LRP1B: variants seen among roughly 807,000 people sequenced by gnomAD.
LRP1B encodes the protein LDL receptor related protein 1B.
A neutral mutation model predicts 556.6 loss-of-function variants in LRP1B; 217 were observed. The ratio of observed to expected loss-of-function variants is 0.39; its 90% CI spans 0.35 to 0.44. The LOEUF (loss-of-function observed/expected upper bound fraction) is 0.44. Among genes scored for constraint, LRP1B ranks in the 20% least tolerant of loss-of-function variants. LRP1B has a pLI of 1.00. For missense variants in LRP1B, 5,053 were observed against 5,620.8 expected (o/e 0.90, Z 3.23); for synonymous variants, 2,047 against 1,865.8 (o/e 1.10, Z -2.50).
intron 7 of LRP1B, among the ~76,000 whole-genome samples, chr2:141,090,344 G>T (rs1285639425): frequency 6.6e-6 from 1 of 152,112 alleles, no homozygotes; most frequent in Non-Finnish European, 1.5e-5. Flanking sequence ...GGAAATTTCT[G>T]TCCTTTCTTG....
intron 2 of LRP1B, among the ~76,000 whole-genome samples, chr2:141,788,691 C>T (rs2105656185): frequency 6.7e-6 from 1 of 149,104 alleles, no homozygotes; most frequent in African/African-American, 2.5e-5. Flanking sequence ...CTTCCCCCCA[C>T]CCCCACCCCA....
intron 3 of LRP1B, among the ~76,000 whole-genome samples, chr2:141,391,350 G>A (rs11889834): frequency 0.048 from 7,354 of 152,190 alleles, 206 homozygotes; most frequent in Middle Eastern, 0.078. Flanking sequence ...GAAGTAATAC[G>A]TAACCGGAGA....
At chr2:141,414,191 A>C (rs564888461) in intron 3 of LRP1B, among the ~76,000 whole-genome samples, 72 of 144,918 alleles carry the variant, frequency 5.0e-4, no homozygotes, top group Admixed American at 1.6e-3. Flanking sequence ...GAGCGGAGAT[A>C]GCGCCACTGC....
intron 1 of LRP1B, among the ~76,000 whole-genome samples, chr2:141,825,685 T>C (rs910170692): frequency 3.3e-5 from 5 of 152,196 alleles, no homozygotes; most frequent in African/African-American, 1.2e-4. Context: ...AACATAACCA[T>C]AAGAAACACA....
chr2:140,677,452 C>T (rs79925199), intron 41 of LRP1B, among the ~76,000 whole-genome samples: 4,204 of 151,752 alleles, frequency 0.028, 176 homozygotes, highest in African/African-American at 0.087. Context: ...GCTTACTGAA[C>T]AGAGAGAGAG....
intron 11 of LRP1B, among the ~76,000 whole-genome samples, chr2:141,040,421 A>G (rs2105430598): frequency 6.6e-6 from 1 of 152,204 alleles, no homozygotes; most frequent in Admixed American, 6.6e-5. Context: ...AAAGTTATAC[A>G]ATGCTGAAGA....
chr2:140,703,312 CAT>C (rs1344805492), intron 37 of LRP1B, among the ~76,000 whole-genome samples: 1 of 151,894 alleles, frequency 6.6e-6, no homozygotes, highest in Non-Finnish European at 1.5e-5. Context: ...AGAAAGAACA[CAT>C]ATAGTATGCC....
chr2:141,973,132 T>C (rs1418759294), intron 1 of LRP1B, among the ~76,000 whole-genome samples: 2 of 151,596 alleles, frequency 1.3e-5, no homozygotes, highest in African/African-American at 4.8e-5. Context: ...CCAGCTATAG[T>C]GGGAATTTAC....
rs918589095 is a variant in LRP1B, at chr2:141,654,835, C to A, written c.205+155444G>T. ...TAATTCTGTTCCCATCTACACACAG[C>A]CAGAAGAGTTTAATCAAGTGTCTCA... On this transcript the variant is annotated intron_variant, in intron 2 of 90. Transcript: ENST00000389484. 4.6e-5 allele frequency among the ~76,000 whole-genome samples: 7 copies of A among 152,010 alleles called. No individual in the cohort carries two copies. The South Asian group carries it at 1.5e-3, about 32-fold the overall frequency.
chr2:141,112,639 A>G (rs1306173232), intron 7 of LRP1B, among the ~76,000 whole-genome samples: 1 of 152,218 alleles, frequency 6.6e-6, no homozygotes, highest in Non-Finnish European at 1.5e-5. Flanking sequence ...AGGCACATGT[A>G]AAAGATTATA....
intron 7 of LRP1B, among the ~76,000 whole-genome samples, chr2:141,172,913 C>T (rs1680568764): frequency 6.6e-6 from 1 of 151,942 alleles, no homozygotes; most frequent in Non-Finnish European, 1.5e-5. Flanking sequence ...TCCAGTAGTT[C>T]TATTTTCTAA....
intron 3 of LRP1B, among the ~76,000 whole-genome samples, chr2:141,397,027 C>T (rs1179710147): frequency 7.1e-6 from 1 of 141,624 alleles, no homozygotes; most frequent in East Asian, 2.1e-4. Flanking sequence ...GGAAGAGAAT[C>T]GCTTGAACCT....
chr2:141,321,362 G>A (rs374976631), intron 3 of LRP1B, among the ~76,000 whole-genome samples: 50 of 152,160 alleles, frequency 3.3e-4, no homozygotes, highest in Admixed American at 1.0e-3. Context: ...TGTTATCAGA[G>A]CTCAGCTTTT....
intron 1 of LRP1B, among the ~76,000 whole-genome samples, chr2:141,944,613 T>C (rs1700902634): frequency 6.6e-6 from 1 of 151,996 alleles, no homozygotes; most frequent in South Asian, 2.1e-4. Context: ...AAAACTGGTA[T>C]AGAGAATCAT....
At chr2:141,242,339 T>C (rs2105318355) in intron 5 of LRP1B, among the ~76,000 whole-genome samples, 1 of 152,074 alleles carries the variant, frequency 6.6e-6, no homozygotes, top group Admixed American at 6.6e-5. Flanking sequence ...CCCCCTAGAG[T>C]TTTAAAGTAA....
intron 1 of LRP1B, among the ~76,000 whole-genome samples, chr2:141,838,205 T>C (rs537572799): frequency 6.6e-6 from 1 of 152,196 alleles, no homozygotes; most frequent in South Asian, 2.1e-4. Flanking sequence ...CACAGTCTCA[T>C]GAAGACATAG....
rs575452178 is a variant in LRP1B at position 141,969,885 on chromosome 2, C to T, written c.83-159484G>A. 3.4e-3 allele frequency among the ~76,000 whole-genome samples: 517 copies of T among 151,470 alleles called. 1 individual carries two copies. The highest frequency in any genetic ancestry group is 5.1e-3 in the Non-Finnish European group (347 of 67,620). Reference sequence around the variant, plus strand: ...ATAATGGCTTTATTAATTTACATTCCCACTAAGGTTTGTGGAAATACAAGG... The same window carrying T: ...ATAATGGCTTTATTAATTTACATTCTCACTAAGGTTTGTGGAAATACAAGG... On this transcript the variant is annotated intron_variant, in intron 1 of 90. Coordinates refer to ENST00000389484, the MANE Select transcript of LRP1B (RefSeq NM_018557.3).
At chr2:142,002,854 C>T (rs1034617350) in intron 1 of LRP1B, among the ~76,000 whole-genome samples, 21 of 152,058 alleles carry the variant, frequency 1.4e-4, no homozygotes, top group Admixed American at 1.2e-3. Context: ...GTACATTCTT[C>T]GTCAGGAGGC....
chr2:140,583,275 A>T (rs1681854347), intron 43 of LRP1B, among the ~76,000 whole-genome samples: 1 of 146,694 alleles, frequency 6.8e-6, no homozygotes, highest in Non-Finnish European at 1.5e-5. Flanking sequence ...TCCAGGTTCA[A>T]GCAATTCTCG....
Sources: gnomAD v4.1 joint callset for allele counts (sites outside exome capture counted in the v4.1 genomes callset) on GRCh38, gnomAD v4.1.1 for gene constraint, MANE v1.5 for transcripts, NCBI Gene and HGNC (gene_info 2026-07-23, HGNC 2026-07-21) for gene names.